The following SORCS3 variants were observed in gnomAD, a reference collection of about 807,000 sequenced individuals.
The protein encoded by SORCS3 is sortilin related VPS10 domain containing receptor 3, also known as VPS10 domain-containing receptor SorCS3.
SORCS3 carries 57 observed loss-of-function variants against 146.3 expected under a neutral mutation model. That is an observed-to-expected ratio of 0.39 (90% CI 0.31 to 0.49). The LOEUF is 0.49. SORCS3 is among the 20% of genes least tolerant of loss of function. The pLI is 0.92. For missense variants in SORCS3, 1,341 were observed against 1,575.5 expected (o/e 0.85, Z 2.52); for synonymous variants, 653 against 618.5 (o/e 1.06, Z -0.83).
At chr10:104,910,434 C>T (rs546579913) in intron 2 of SORCS3, among the ~76,000 whole-genome samples, 1 of 152,220 alleles carries the variant, frequency 6.6e-6, no homozygotes, top group East Asian at 1.9e-4. Flanking sequence ...AAAAAAAATA[C>T]TTCTCAGTGG....
chr10:104,810,713 T>C (rs974728984), intron 1 of SORCS3, among the ~76,000 whole-genome samples: 2 of 152,192 alleles, frequency 1.3e-5, no homozygotes, highest in Non-Finnish European at 2.9e-5. Context: ...CCGATAGATA[T>C]TGGGAATTTA....
At chr10:105,090,948 C>T (rs1184248661) in intron 6 of SORCS3, among the ~76,000 whole-genome samples, 2 of 152,054 alleles carry the variant, frequency 1.3e-5, no homozygotes, top group Non-Finnish European at 2.9e-5. Context: ...GGAGGCCAAC[C>T]GTAGATGCAT....
At chr10:105,175,595 G>A (rs1327428529) in intron 13 of SORCS3, among the ~76,000 whole-genome samples, 2 of 152,180 alleles carry the variant, frequency 1.3e-5, no homozygotes, top group African/African-American at 2.4e-5. Flanking sequence ...GGACTACATG[G>A]TAAGAAAAGT....
At chr10:105,064,200 G>T (rs1489950476) in intron 5 of SORCS3, among the ~76,000 whole-genome samples, 2 of 152,180 alleles carry the variant, frequency 1.3e-5, no homozygotes, top group Non-Finnish European at 2.9e-5. Flanking sequence ...GACAATTAAA[G>T]TTGTGATTAC....
intron 2 of SORCS3, among the ~76,000 whole-genome samples, chr10:104,887,911 C>A (rs1428767407): frequency 7.4e-6 from 1 of 135,854 alleles, no homozygotes; most frequent in Non-Finnish European, 1.5e-5. Flanking sequence ...TAGTATAAGA[C>A]CAGTTATCTC....
At chr10:104,854,327 G>T (rs2018306351) in intron 2 of SORCS3, among the ~76,000 whole-genome samples, 1 of 152,136 alleles carries the variant, frequency 6.6e-6, no homozygotes, top group Admixed American at 6.5e-5. Context: ...TTCTTCATAG[G>T]AGAGGTGGTG....
chr10:105,102,780 C>CCTT (rs2055794481), intron 6 of SORCS3, among the ~76,000 whole-genome samples: 1 of 92,526 alleles, frequency 1.1e-5, no homozygotes, highest in Non-Finnish European at 2.1e-5. Context: ...ACCTCTCAAC[C>CCTT]TTTTTTTTTT....
At chr10:105,031,268 C>T (rs930805178) in intron 4 of SORCS3, among the ~76,000 whole-genome samples, 114 of 151,776 alleles carry the variant, frequency 7.5e-4, no homozygotes, top group Middle Eastern at 6.8e-3. Flanking sequence ...CACTGCCCTC[C>T]CGTCTGGGCA....
intron 2 of SORCS3, among the ~76,000 whole-genome samples, chr10:104,910,734 G>C (rs540221301): frequency 6.6e-6 from 1 of 152,234 alleles, no homozygotes; most frequent in Non-Finnish European, 1.5e-5. Flanking sequence ...AAGAAAAAAA[G>C]AACAAGGGAT....
chr10:104,815,846 T>C (rs2017791624), intron 1 of SORCS3, among the ~76,000 whole-genome samples: 1 of 152,200 alleles, frequency 6.6e-6, no homozygotes, highest in Admixed American at 6.5e-5. Flanking sequence ...TTTGCTGTAA[T>C]TAATAACTTC....
intron 1 of SORCS3, among the ~76,000 whole-genome samples, chr10:104,737,535 G>A (rs372869150): frequency 3.3e-5 from 5 of 151,888 alleles, no homozygotes; most frequent in South Asian, 2.1e-4. Context: ...GCCAGTGATG[G>A]TGAGCATTTT....
chr10:104,685,541 T>TA (rs2016034182), intron 1 of SORCS3, among the ~76,000 whole-genome samples: 1 of 152,212 alleles, frequency 6.6e-6, no homozygotes, highest in South Asian at 2.1e-4. Flanking sequence ...ATCCCTCCTG[T>TA]CTGTTTGAAC....
At chr10:104,692,112 G>T (rs61861255) in intron 1 of SORCS3, among the ~76,000 whole-genome samples, 1 of 152,070 alleles carries the variant, frequency 6.6e-6, no homozygotes, top group Non-Finnish European at 1.5e-5. Context: ...CAGCAACCTG[G>T]CAGCCTTTCT....
At chr10:104,968,605 G>C (rs1251928058) in intron 3 of SORCS3, among the ~76,000 whole-genome samples, 1 of 152,178 alleles carries the variant, frequency 6.6e-6, no homozygotes, top group Non-Finnish European at 1.5e-5. Flanking sequence ...AATCAAAGCA[G>C]AATGATGAAC....
At chr10:104,735,545 G>C (rs2016761203) in intron 1 of SORCS3, among the ~76,000 whole-genome samples, 1 of 138,860 alleles carries the variant, frequency 7.2e-6, no homozygotes, top group Non-Finnish European at 1.5e-5. Context: ...CCCACCATAG[G>C]GTTCAAGGAA....
chr10:104,707,123 A>G (rs1263494997), intron 1 of SORCS3, among the ~76,000 whole-genome samples: 3 of 152,202 alleles, frequency 2.0e-5, no homozygotes, highest in African/African-American at 7.2e-5. Flanking sequence ...TCCAAGAGCC[A>G]GAAAAACATA....
At chr10:105,148,126 T>C (rs1043247749) in intron 9 of SORCS3, among the ~76,000 whole-genome samples, 1 of 152,126 alleles carries the variant, frequency 6.6e-6, no homozygotes, top group African/African-American at 2.4e-5. Context: ...TTTAAGTAGC[T>C]TTGTAAACTC....
At chr10:104,798,340 G>A (rs188706556) in intron 1 of SORCS3, among the ~76,000 whole-genome samples, 1 of 152,262 alleles carries the variant, frequency 6.6e-6, no homozygotes, top group Admixed American at 6.5e-5. Context: ...ATCAGTCCTG[G>A]TAACATTCAT....
At position 105,076,534 on chromosome 10, in the gene SORCS3, C is replaced by T. The variant is rs72815702; in HGVS notation, c.1029-13241C>T. 5.9e-3 allele frequency among the ~76,000 whole-genome samples: 904 copies of T among 152,344 alleles called. 2 individuals are homozygous for T. The highest frequency in any genetic ancestry group is 0.017 in the Middle Eastern group (5 of 294). On this transcript the variant is annotated intron_variant, in intron 5 of 26. Transcript: ENST00000369701. ...TGGCCTCCTGACCTTCACATCATCA[C>T]TGGACTCCATGCTGGGTGCACAGGC...
Sources: gnomAD v4.1 joint callset for allele counts (sites outside exome capture counted in the v4.1 genomes callset) on GRCh38, gnomAD v4.1.1 for gene constraint, MANE v1.5 for transcripts, NCBI Gene and HGNC (gene_info 2026-07-23, HGNC 2026-07-21) for gene names.